EFHD2: variants seen among roughly 807,000 people sequenced by gnomAD.
EFHD2 encodes EF-hand domain family member D2.
In EFHD2, 12 loss-of-function variants were observed where a neutral mutation model predicts 20.3. That is an observed-to-expected ratio of 0.59 (90% CI 0.38 to 0.96). The LOEUF is 0.96. Among genes scored for constraint, EFHD2 ranks in the 40% least tolerant of loss-of-function variants. EFHD2 has a pLI of 0.00. For missense variants in EFHD2, 250 were observed against 334.3 expected (o/e 0.75, Z 1.97); for synonymous variants, 131 against 143.9 (o/e 0.91, Z 0.64).
At chr1:15,418,843 G>A (rs563641256) in intron 1 of EFHD2, among the ~76,000 whole-genome samples, 1 of 138,226 alleles carries the variant, frequency 7.2e-6, no homozygotes, top group East Asian at 2.0e-4. Context: ...ATCAGGCCTG[G>A]TTCAGAGCCC....
chr1:15,422,459 G>C (rs1038827080), intron 1 of EFHD2, among the ~76,000 whole-genome samples: 30 of 151,744 alleles, frequency 2.0e-4, no homozygotes, highest in African/African-American at 7.0e-4. Flanking sequence ...CCACCCACCA[G>C]ATGCCACTGG....
Position 15,413,065 on chromosome 1 carries a change from C to T in EFHD2, c.308+2786C>T, listed in dbSNP as rs542201968. On this transcript the variant is annotated intron_variant, in intron 1 of 3. Coordinates refer to ENST00000375980, the MANE Select transcript of EFHD2 (RefSeq NM_024329.6). The surrounding 1 kb of genome is among the most constrained non-coding windows in gnomAD (Gnocchi z 4.4). ...ACTGTGCCAACCGAGCCCAACCCCG[C>T]CGCCAACAGACGGGCTCTCGTGGAA... Among the ~76,000 whole-genome samples, 1 of 152,320 alleles carries T rather than the reference C, an allele frequency of 6.6e-6. No individual in the cohort carries two copies. The highest frequency in any genetic ancestry group is 1.5e-5 in the Non-Finnish European group (1 of 68,024).
rs905559730 is a variant in EFHD2, at chr1:15,430,016, G to A, written c.*1292G>A. On this transcript the variant is annotated 3_prime_UTR_variant, in exon 4 of 4. Coordinates refer to ENST00000375980, the MANE Select transcript of EFHD2 (RefSeq NM_024329.6). ...AACGACGTCACTGCTTTTTAAACTC[G>A]ATAACTCTTTATTTTAGTAAAATGC... 3 of 152,594 alleles carry A rather than the reference G, an allele frequency of 2.0e-5. No homozygotes were observed. Among genetic ancestry groups the A allele is most frequent in the Non-Finnish European group, 2.9e-5 (2 of 68,044 alleles). The allele number at this position is 152,594 out of a possible 1,614,324, so 9.5% of individuals were successfully genotyped here. A position where few individuals can be genotyped will look rare whatever the true frequency, so the allele number is the denominator to read the frequency against.
chr1:15,418,641 C>CCA (rs1557499138), intron 1 of EFHD2, among the ~76,000 whole-genome samples: 2 of 152,160 alleles, frequency 1.3e-5, no homozygotes, highest in African/African-American at 2.4e-5. Context: ...AGATAGGCCC[C>CCA]CCCTTAAGTA....
rs141227487 is a variant in EFHD2 at position 15,410,148 on chromosome 1, G to T, written c.177G>T (p.Leu59=). The change falls in exon 1 of 4, where the codon CTG becomes CTT. Residue 59 remains leucine (L), a synonymous_variant. Transcript: ENST00000375980. ...GSADCELSAK[L]LRRADLNQGI... ...CGGACTGCGAGCTGAGCGCCAAGCT[G>T]CTGCGGCGCGCAGACCTCAACCAGG... The T allele has an allele frequency of 4.2e-5, 67 of 1,598,288 alleles. No homozygotes were observed. Among genetic ancestry groups the T allele is most frequent in the Non-Finnish European group, 5.4e-5 (63 of 1,174,272 alleles).
intron 1 of EFHD2, among the ~76,000 whole-genome samples, chr1:15,417,981 C>CTTTTTTTT (rs57589251): frequency 6.2e-5 from 6 of 97,084 alleles, no homozygotes; most frequent in Non-Finnish European, 1.2e-4. Context: ...CTTTCTTTTT[C>CTTTTTTTT]TTTTTTTTTT....
chr1:15,418,594 G>C (rs10927784), intron 1 of EFHD2, among the ~76,000 whole-genome samples: 53,186 of 151,628 alleles, frequency 0.35, 11,108 homozygotes, highest in East Asian at 0.62. Flanking sequence ...CGGGAGCCAC[G>C]GCACCCGGCC....
intron 1 of EFHD2, among the ~76,000 whole-genome samples, chr1:15,418,431 G>C (rs1372117719): frequency 4.7e-5 from 7 of 147,936 alleles, no homozygotes; most frequent in Non-Finnish European, 8.9e-5. Flanking sequence ...TCAGCCTCCC[G>C]AGTAGCTGGG....
chr1:15,418,556 T>C lies in EFHD2; in HGVS notation c.309-7315T>C, dbSNP rs373000899. ...TCCTGACCTTGTGATCCGCCCGCCT[T>C]GGCCTCCCAAAGTGCTGGGATTACA... On this transcript the variant is annotated intron_variant, in intron 1 of 3. Transcript: ENST00000375980. Among the ~76,000 whole-genome samples the C allele has an allele frequency of 6.4e-3, 966 of 150,992 alleles. 10 individuals carry two copies. The highest frequency in any genetic ancestry group is 0.02 in the African/African-American group (832 of 41,018).
chr1:15,426,039 C>G lies in EFHD2; in HGVS notation c.456+21C>G, dbSNP rs772121025. 6.4e-7 allele frequency: 1 copy of G among 1,553,042 alleles called. No homozygotes were observed. Among genetic ancestry groups the G allele is most frequent in the South Asian group, 1.2e-5 (1 of 82,560 alleles). On this transcript the variant is annotated intron_variant, in intron 2 of 3. Transcript: ENST00000375980. The surrounding 1 kb of genome is among the most constrained non-coding windows in gnomAD (Gnocchi z 4.6). ...GGGAGGTAAGCCCGGCCCCCAGCCCCACTCCCCTACCAGGGGCTTCACCTG... is the reference window on the plus strand; with the variant it reads ...GGGAGGTAAGCCCGGCCCCCAGCCCGACTCCCCTACCAGGGGCTTCACCTG...
intron 3 of EFHD2, 107 bp downstream of exon 3, chr1:15,427,391 AG>A: frequency 6.8e-7 from 1 of 1,481,412 alleles, no homozygotes; most frequent in East Asian, 2.5e-5. Flanking sequence ...CTGCAGACAG[AG>A]ATGGGAGCTG....
At position 15,427,302 on chromosome 1, in the gene EFHD2, T is replaced by C; in HGVS notation, c.591+18T>C. 6.3e-7 allele frequency: 1 copy of C among 1,599,476 alleles called. No individual in the cohort carries two copies. Among genetic ancestry groups the C allele is most frequent in the Non-Finnish European group, 8.5e-7 (1 of 1,173,682 alleles). ...AGGCCAAGGTGAGGAGCCCAAGGGG[T>C]GCCCTGACCCACGCTCCAGGACAAG... is the stretch of plus-strand genomic sequence containing the variant. On this transcript the variant is annotated intron_variant, in intron 3 of 3. Coordinates refer to ENST00000375980, the MANE Select transcript of EFHD2 (RefSeq NM_024329.6).
intron 1 of EFHD2, among the ~76,000 whole-genome samples, chr1:15,414,668 G>A (rs570692369): frequency 2.0e-4 from 30 of 152,208 alleles, no homozygotes; most frequent in Admixed American, 3.3e-4. Context: ...AACCACCAGC[G>A]GAGCTTCCAG....
intron 1 of EFHD2, among the ~76,000 whole-genome samples, chr1:15,416,264 A>G (rs1246627455): frequency 2.0e-5 from 3 of 152,056 alleles, no homozygotes; most frequent in African/African-American, 7.2e-5. Context: ...GTGAGAGTCT[A>G]GGCTCCAGGA....
intron 1 of EFHD2, among the ~76,000 whole-genome samples, 153 bp from the exon 2 acceptor site, chr1:15,425,718 G>T (rs1330880227): frequency 6.6e-6 from 1 of 152,054 alleles, no homozygotes; most frequent in Non-Finnish European, 1.5e-5. Flanking sequence ...AGCCACATAT[G>T]GGTCCTCTGC....
At chr1:15,420,385 A>G (rs1211617077) in intron 1 of EFHD2, among the ~76,000 whole-genome samples, 1 of 152,172 alleles carries the variant, frequency 6.6e-6, no homozygotes, top group Non-Finnish European at 1.5e-5. Flanking sequence ...TCTGTTGCCC[A>G]GGCTGAAGAG....
Position 15,410,148 on chromosome 1 carries a change from G to A in EFHD2, c.177G>A (p.Leu59=), listed in dbSNP as rs141227487. Reference sequence around the variant, plus strand: ...CGGACTGCGAGCTGAGCGCCAAGCTGCTGCGGCGCGCAGACCTCAACCAGG... The same window carrying A: ...CGGACTGCGAGCTGAGCGCCAAGCTACTGCGGCGCGCAGACCTCAACCAGG... ...GSADCELSAK[L]LRRADLNQGI... Residue 59 remains leucine, a synonymous_variant, in exon 1 of 4, where the codon CTG becomes CTA. Transcript: ENST00000375980. 1 of 1,598,394 alleles carries A rather than the reference G, an allele frequency of 6.3e-7. No individual in the cohort carries two copies. The highest frequency in any genetic ancestry group is 2.3e-5 in the East Asian group (1 of 42,970).
intron 1 of EFHD2, among the ~76,000 whole-genome samples, chr1:15,410,515 T>C (rs1707464685): frequency 6.6e-6 from 1 of 152,046 alleles, no homozygotes; most frequent in Non-Finnish European, 1.5e-5. Context: ...GAGACTCGTA[T>C]TTGTGCTGCC....
chr1:15,412,565 T>C (rs892699449), intron 1 of EFHD2, among the ~76,000 whole-genome samples: 2 of 152,194 alleles, frequency 1.3e-5, no homozygotes, highest in African/African-American at 4.8e-5. Flanking sequence ...TCCGTGTTCG[T>C]GGCGGATTGT....
Sources: allele counts gnomAD v4.1 joint callset (sites outside exome capture counted in the v4.1 genomes callset), GRCh38; gene constraint gnomAD v4.1.1; non-coding constraint Gnocchi (gnomAD v3.1); transcripts MANE v1.5; gene names NCBI Gene and HGNC (gene_info 2026-07-23, HGNC 2026-07-21).